DNAH17: variants seen among roughly 807,000 people sequenced by gnomAD.
The protein encoded by DNAH17 is dynein axonemal heavy chain 17, also known as axonemal beta dynein heavy chain 17.
In DNAH17, 376 loss-of-function variants were observed where a neutral mutation model predicts 485.6. The observed-to-expected ratio is 0.77, with a 90% CI of 0.71 to 0.84. DNAH17 has a LOEUF of 0.84. DNAH17 is among the 40% of genes least tolerant of loss of function. The pLI, the probability that DNAH17 is intolerant of heterozygous loss-of-function variation, is 0.00. For missense variants in DNAH17, 6,370 were observed against 5,839.3 expected (o/e 1.09, Z -2.96); for synonymous variants, 3,031 against 2,405.9 (o/e 1.26, Z -7.60).
At chr17:78,549,303 C>A (rs1378862651) in intron 16 of DNAH17, among the ~76,000 whole-genome samples, 1 of 152,120 alleles carries the variant, frequency 6.6e-6, no homozygotes, top group African/African-American at 2.4e-5. Flanking sequence ...CTACGTGAGG[C>A]ACATCGAGAA....
At chr17:78,430,407 C>T (rs1185545879) in intron 75 of DNAH17, among the ~76,000 whole-genome samples, 1 of 152,202 alleles carries the variant, frequency 6.6e-6, no homozygotes, top group African/African-American at 2.4e-5. Context: ...TGTTCTTTCC[C>T]TGAAGTTTGC....
At chr17:78,569,352 C>G (rs745378998) in intron 8 of DNAH17, 23 bp downstream of exon 8, 21 of 1,611,598 alleles carry the variant, frequency 1.3e-5, no homozygotes, top group Non-Finnish European at 1.8e-5. Context: ...TGCCTTGGCC[C>G]TCGCCCTGCG....
intron 12 of DNAH17, 150 bp downstream of exon 12, chr17:78,561,565 G>A: frequency 1.1e-6 from 1 of 944,842 alleles, no homozygotes. Context: ...GAGGAGGGAG[G>A]ACCAGAAGGG....
At chr17:78,543,704 T>C in intron 17 of DNAH17, 153 bp downstream of exon 17, 1 of 1,139,660 alleles carries the variant, frequency 8.8e-7, no homozygotes, top group Non-Finnish European at 1.3e-6. Flanking sequence ...GGATTACAGG[T>C]GAGAGCCACT....
chr17:78,463,948 T>C (rs941945560), intron 56 of DNAH17, among the ~76,000 whole-genome samples: 1 of 152,208 alleles, frequency 6.6e-6, no homozygotes, highest in Non-Finnish European at 1.5e-5. Context: ...AACCCAAATC[T>C]ATGCTCCAAG....
intron 11 of DNAH17, among the ~76,000 whole-genome samples, chr17:78,564,602 G>C (rs1369405238): frequency 6.6e-6 from 1 of 152,084 alleles, no homozygotes; most frequent in Non-Finnish European, 1.5e-5. Context: ...ATCCTTCAGG[G>C]GCTCCACGTG....
Position 78,500,352 on chromosome 17 carries a change from C to T in DNAH17, c.5593G>A (p.Gly1865Ser), listed in dbSNP as rs2090235900. 1 of 1,612,782 alleles carries T rather than the reference C, an allele frequency of 6.2e-7. No individual in the cohort carries two copies. Among genetic ancestry groups the T allele is most frequent in the Non-Finnish European group, 8.5e-7 (1 of 1,179,454 alleles). The change falls in exon 36 of 81, where the codon GGC (glycine) becomes AGC (serine). Residue 1865 changes from glycine to serine, a missense_variant. Coordinates refer to ENST00000389840, the MANE Select transcript of DNAH17 (RefSeq NM_173628.4). ...CAGTTGAAGACGTAGACCATGGTGC[C>T]CAGGGCTCTGCCCAGGTCCTTGGTC... ...ETTKDLGRAL[G>S]TMVYVFNCSE...
In DNAH17 at chr17:78,564,825, G is replaced by A. The variant is rs117363821; in HGVS notation, c.1569+1789C>T. 6.6e-3 allele frequency among the ~76,000 whole-genome samples: 1,011 copies of A among 152,236 alleles called. 7 individuals are homozygous for A. The highest frequency in any genetic ancestry group is 0.01 in the Non-Finnish European group (705 of 68,020). On this transcript the variant is annotated intron_variant, in intron 11 of 80. Transcript: ENST00000389840. ...AACACACAGACATTAGTATACAAAT[G>A]AATATGAGGGAAGGCCATTGCTGAG...
rs543635736 is a variant in DNAH17 at position 78,552,946 on chromosome 17, C to G, written c.2179-141G>C. ...CTCAGGTCTCATGTTGAATTGTAAT[C>G]CCCAGTGTTGGAGGTGGGGCCTGGT... On this transcript the variant is annotated intron_variant, in intron 14 of 80. Coordinates refer to ENST00000389840, the MANE Select transcript of DNAH17 (RefSeq NM_173628.4). The G allele has an allele frequency of 6.7e-5, 44 of 656,218 alleles. No homozygotes were observed. In the African/African-American group the frequency reaches 7.3e-4, roughly 11 times the overall value. The allele number at this position is 656,218 out of a possible 1,614,324, so 40.6% of individuals were successfully genotyped here.
chr17:78,428,698 C>T lies in DNAH17; in HGVS notation c.12415G>A (p.Glu4139Lys), dbSNP rs148993483. ...GGGGGCAGGTTCTCATCGATGTATT[C>T]GTGGTAACCCTGAAAAAGAGGGCAG... ...PPNLDYKGYH[E>K]YIDENLPPES... Residue 4139 changes from glutamate to lysine, a missense_variant, in exon 77 of 81, where the codon GAA becomes AAA. Coordinates refer to ENST00000389840, the MANE Select transcript of DNAH17 (RefSeq NM_173628.4). The T allele has an allele frequency of 1.4e-5, 22 of 1,613,262 alleles. No individual in the cohort carries two copies. The highest frequency in any genetic ancestry group is 2.7e-5 in the African/African-American group (2 of 74,834).
chr17:78,443,419 C>T (rs2087148555), intron 71 of DNAH17, among the ~76,000 whole-genome samples: 1 of 152,234 alleles, frequency 6.6e-6, no homozygotes, highest in South Asian at 2.1e-4. Flanking sequence ...ATCACAGTGA[C>T]TTCTGGCTTC....
intron 20 of DNAH17, among the ~76,000 whole-genome samples, chr17:78,531,129 G>A (rs563985064): frequency 6.6e-5 from 10 of 152,252 alleles, no homozygotes; most frequent in South Asian, 4.1e-4. Flanking sequence ...TCTGTCTGAC[G>A]CTGAGAGCAG....
rs746013853 is a variant in DNAH17, at chr17:78,561,725, C to T, written c.1825G>A (p.Val609Ile). The T allele has an allele frequency of 1.3e-5, 21 of 1,607,186 alleles. No individual in the cohort carries two copies. Among genetic ancestry groups the T allele is most frequent in the African/African-American group, 9.4e-5 (7 of 74,818 alleles). Residue 609 changes from valine to isoleucine, a missense_variant, in exon 12 of 81, where the codon GTC (valine) becomes ATC (isoleucine). Coordinates refer to ENST00000389840, the MANE Select transcript of DNAH17 (RefSeq NM_173628.4). Reference protein sequence around the residue: ...LEVSMKHLKHVEHPVMSGAEA... With the variant: ...LEVSMKHLKHIEHPVMSGAEA... ...AGGGCTGTGACTCACGGGTGTTCGACGTGCTTCAGGTGTTTCATGGACACC... is the reference window on the plus strand; with the variant it reads ...AGGGCTGTGACTCACGGGTGTTCGATGTGCTTCAGGTGTTTCATGGACACC...
In DNAH17 at chr17:78,555,543, C is replaced by CAAAAAAA. The variant is rs765954549; in HGVS notation, c.2178+2558_2178+2564dup. ...CGGGGAGAGGAGCAAGATTCCGTCA[C>CAAAAAAA]AAAAAAAAAAAAAAAAAAAAAAAGA... is the stretch of plus-strand genomic sequence containing the variant. On this transcript the variant is annotated intron_variant, in intron 14 of 80. Transcript: ENST00000389840. Among the ~76,000 whole-genome samples, 721 of 77,418 alleles carry CAAAAAAA rather than the reference C, an allele frequency of 9.3e-3. 33 individuals carry two copies. The highest frequency in any genetic ancestry group is 0.021 in the African/African-American group (378 of 17,778). The allele number at this position is 77,418 out of a possible 152,430, so 50.8% of individuals were successfully genotyped here.
chr17:78,542,011 A>G (rs1045353529), intron 17 of DNAH17, among the ~76,000 whole-genome samples: 2 of 152,004 alleles, frequency 1.3e-5, no homozygotes, highest in Non-Finnish European at 2.9e-5. Context: ...GACAATAGGA[A>G]CAGCCAATAA....
chr17:78,571,940 AAAG>A (rs1409546938), intron 3 of DNAH17, among the ~76,000 whole-genome samples, 158 bp from the exon 4 acceptor site: 4 of 152,156 alleles, frequency 2.6e-5, no homozygotes, highest in Admixed American at 2.6e-4. Context: ...CGGGGACGCT[AAAG>A]AAGTTCCCAA....
At chr17:78,462,747 C>G in intron 57 of DNAH17, 97 bp downstream of exon 57, 1 of 1,221,176 alleles carries the variant, frequency 8.2e-7, no homozygotes. Flanking sequence ...GTGCTGAGCC[C>G]CAGTGTGACC....
At chr17:78,430,650 T>C (rs1283624446) in intron 75 of DNAH17, among the ~76,000 whole-genome samples, 2 of 152,046 alleles carry the variant, frequency 1.3e-5, no homozygotes, top group Non-Finnish European at 2.9e-5. Flanking sequence ...GTGCAGTCTC[T>C]GCTCACTGAA....
intron 64 of DNAH17, among the ~76,000 whole-genome samples, chr17:78,453,907 T>G (rs2087668801): frequency 6.6e-6 from 1 of 152,068 alleles, no homozygotes; most frequent in Non-Finnish European, 1.5e-5. Flanking sequence ...AAGGTCTCAC[T>G]ATGTTGCACA....
Sources: allele counts gnomAD v4.1 joint callset (sites outside exome capture counted in the v4.1 genomes callset), GRCh38; gene constraint gnomAD v4.1.1; transcripts MANE v1.5; gene names NCBI Gene and HGNC (gene_info 2026-07-23, HGNC 2026-07-21).